ZNF732: variants seen among roughly 807,000 people sequenced by gnomAD.
ZNF732 encodes the protein zinc finger protein LOC654254.
A neutral mutation model predicts 11.5 loss-of-function variants in ZNF732; 12 were observed. The ratio of observed to expected loss-of-function variants is 1.05; its 90% CI spans 0.67 to 1.70. The LOEUF (loss-of-function observed/expected upper bound fraction) is 1.70. ZNF732 is among the 40% of genes most tolerant of loss of function. The probability of loss-of-function intolerance (pLI) is 0.00; values close to 1 mark genes in which losing one functional copy is unlikely to be tolerated. For missense variants in ZNF732, 702 were observed against 676.9 expected (o/e 1.04, Z -0.41); for synonymous variants, 231 against 236.5 (o/e 0.98, Z 0.21).
chr4:304,774 G>A (rs1553844136), intron 1 of ZNF732, among the ~76,000 whole-genome samples: 2 of 152,232 alleles, frequency 1.3e-5, no homozygotes, highest in Admixed American at 1.3e-4. Context: ...AGGCGCACAG[G>A]GCAAGGGGAC....
At chr4:274,752 T>C (rs574379745) in intron 3 of ZNF732, among the ~76,000 whole-genome samples, 2 of 151,772 alleles carry the variant, frequency 1.3e-5, no homozygotes, top group South Asian at 2.1e-4. Flanking sequence ...GTCAAAACTG[T>C]CCTATTTCAT....
At chr4:275,910 A>C (rs181490415) in intron 3 of ZNF732, among the ~76,000 whole-genome samples, 19 of 151,914 alleles carry the variant, frequency 1.3e-4, no homozygotes, top group Admixed American at 4.6e-4. Flanking sequence ...AAACAGAAAA[A>C]GTAGGTAGTT....
At chr4:275,126 T>G (rs1332617600) in intron 3 of ZNF732, among the ~76,000 whole-genome samples, 2 of 151,630 alleles carry the variant, frequency 1.3e-5, no homozygotes, top group Non-Finnish European at 3.0e-5. Flanking sequence ...TCATACAATA[T>G]TCTCCTTGAT....
intron 3 of ZNF732, among the ~76,000 whole-genome samples, chr4:281,336 A>G (rs1011102638): frequency 6.6e-6 from 1 of 152,204 alleles, no homozygotes; most frequent in South Asian, 2.1e-4. Flanking sequence ...ATACCCTCTC[A>G]GCTGTGATCA....
intron 1 of ZNF732, among the ~76,000 whole-genome samples, chr4:304,424 A>C (rs1480019212): frequency 3.3e-5 from 5 of 152,080 alleles, no homozygotes; most frequent in African/African-American, 1.2e-4. Flanking sequence ...AGGCTCAGCC[A>C]TGTCTTTCTT....
intron 3 of ZNF732, among the ~76,000 whole-genome samples, chr4:289,880 T>C (rs562215730): frequency 6.6e-6 from 1 of 152,292 alleles, no homozygotes. Context: ...TAATTTGATG[T>C]GAGATTTGAC....
At chr4:301,311 G>A (rs547850180) in intron 1 of ZNF732, among the ~76,000 whole-genome samples, 25 of 152,288 alleles carry the variant, frequency 1.6e-4, no homozygotes, top group Middle Eastern at 3.4e-3. Context: ...ACAGTGTGGC[G>A]ATTCCTCAGG....
intron 3 of ZNF732, among the ~76,000 whole-genome samples, chr4:283,613 T>C (rs1374737817): frequency 6.6e-6 from 1 of 151,472 alleles, no homozygotes; most frequent in Non-Finnish European, 1.5e-5. Flanking sequence ...CACATAAATA[T>C]ATAAACATAT....
intron 3 of ZNF732, among the ~76,000 whole-genome samples, chr4:293,922 T>C (rs192223381): frequency 6.6e-6 from 1 of 152,326 alleles, no homozygotes; most frequent in East Asian, 1.9e-4. Context: ...TCTTGAAAAC[T>C]GCAACTATAA....
At chr4:288,062 T>C (rs1379064304) in intron 3 of ZNF732, among the ~76,000 whole-genome samples, 2 of 152,230 alleles carry the variant, frequency 1.3e-5, no homozygotes, top group Non-Finnish European at 2.9e-5. Flanking sequence ...GTTATATGTA[T>C]TTCATCTCTG....
intron 3 of ZNF732, among the ~76,000 whole-genome samples, chr4:280,203 A>C (rs1719589632): frequency 6.6e-6 from 1 of 151,242 alleles, no homozygotes; most frequent in South Asian, 2.1e-4. Context: ...TCATAAAAAC[A>C]ATCCTTCAAA....
chr4:272,446 C>G lies in ZNF732; in HGVS notation c.411G>C (p.Gln137His). 1.2e-6 allele frequency: 2 copies of G among 1,600,292 alleles called. No homozygotes were observed. The highest frequency in any genetic ancestry group is 1.7e-6 in the Non-Finnish European group (2 of 1,172,366). Residue 137 changes from glutamine (Q) to histidine (H), a missense_variant, in exon 4 of 4, where the codon CAG (glutamine) becomes CAC (histidine). Coordinates refer to ENST00000419098, the MANE Select transcript of ZNF732 (RefSeq NM_001137608.3). ...NEFNQCLSTI[Q>H]SKIFQCNVHV... is the part of the protein sequence containing the mutation. ...GTACATTACACTGAAATATTTTGCT[C>G]TGGATAGTTGACAAGCATTGATTAA...
At chr4:298,191 AAAC>A (rs1553842747) in intron 1 of ZNF732, among the ~76,000 whole-genome samples, 1 of 152,176 alleles carries the variant, frequency 6.6e-6, no homozygotes, top group Admixed American at 6.5e-5. Context: ...AAAACTCACA[AAAC>A]AATAAAAGGG....
At chr4:278,786 T>G (rs375685658) in intron 3 of ZNF732, among the ~76,000 whole-genome samples, 5 of 152,342 alleles carry the variant, frequency 3.3e-5, no homozygotes, top group African/African-American at 1.2e-4. Flanking sequence ...GGTGGCGGAC[T>G]CTGGAGCCCA....
chr4:275,823 T>C (rs2108652616), intron 3 of ZNF732, among the ~76,000 whole-genome samples: 1 of 151,848 alleles, frequency 6.6e-6, no homozygotes, highest in South Asian at 2.1e-4. Flanking sequence ...AGACAAACTA[T>C]ATGAATCAAC....
Position 270,712 on chromosome 4 carries a change from T to C in ZNF732, c.*387A>G, listed in dbSNP as rs1719330920. 1 of 399,378 alleles carries C rather than the reference T, an allele frequency of 2.5e-6. No individual in the cohort carries two copies. Among genetic ancestry groups the C allele is most frequent in the Non-Finnish European group, 4.9e-6 (1 of 203,814 alleles). The allele number at this position is 399,378 out of a possible 1,614,324, so 24.7% of individuals were successfully genotyped here. A position where few individuals can be genotyped will look rare whatever the true frequency, so the allele number is the denominator to read the frequency against. ...GTTCTCTCCATTATGAATTTTCTCA[T>C]GTTTATTTATGGGTGAGGACCGTTT... On this transcript the variant is annotated 3_prime_UTR_variant, in exon 4 of 4. Transcript: ENST00000419098.
chr4:300,355 C>T (rs2108662140), intron 1 of ZNF732, among the ~76,000 whole-genome samples: 1 of 146,170 alleles, frequency 6.8e-6, no homozygotes, highest in African/African-American at 2.5e-5. Context: ...CCCAGCTACT[C>T]AGGAGGCTGA....
intron 2 of ZNF732, 100 bp downstream of exon 2, chr4:295,929 A>G (rs1553842182): frequency 7.1e-7 from 1 of 1,412,396 alleles, no homozygotes; most frequent in African/African-American, 1.5e-5. Flanking sequence ...AGAAACTGAA[A>G]TTCACACAAA....
In ZNF732 at chr4:299,410, T is replaced by C. The variant is rs1720040909; in HGVS notation, c.4-3255A>G. ...ACATATGTACACATATGTGTATATA[T>C]ATATACACATATATACACATATGTG... On this transcript the variant is annotated intron_variant, in intron 1 of 3. Transcript: ENST00000419098. Among the ~76,000 whole-genome samples the C allele has an allele frequency of 1.9e-5, 2 of 103,238 alleles. 1 individual carries two copies. Among genetic ancestry groups the C allele is most frequent in the African/African-American group, 7.0e-5 (2 of 28,776 alleles). The allele number at this position is 103,238 out of a possible 152,430, so 67.7% of individuals were successfully genotyped here.
Sources: allele counts gnomAD v4.1 joint callset (sites outside exome capture counted in the v4.1 genomes callset), GRCh38; gene constraint gnomAD v4.1.1; transcripts MANE v1.5; gene names NCBI Gene and HGNC (gene_info 2026-07-23, HGNC 2026-07-21).